SAMD4B: variants seen among roughly 807,000 people sequenced by gnomAD.
The protein encoded by SAMD4B is protein Smaug homolog 2.
SAMD4B carries 5 observed loss-of-function variants against 74.5 expected under a neutral mutation model. The observed-to-expected ratio is 0.07, with a 90% CI of 0.04 to 0.14. The LOEUF (loss-of-function observed/expected upper bound fraction) is 0.14, where lower values mean the gene tolerates loss of function less well. Among genes scored for constraint, SAMD4B ranks in the 10% least tolerant of loss-of-function variants. The pLI is 1.00. For synonymous variants in SAMD4B, 373 were observed against 374.9 expected, an observed-to-expected ratio of 1.00 and a Z score of 0.06; for missense variants, 608 against 921.8, an observed-to-expected ratio of 0.66 and a Z score of 4.41.
intron 3 of SAMD4B, among the ~76,000 whole-genome samples, chr19:39,363,370 C>G (rs935032033): frequency 2.0e-5 from 3 of 152,142 alleles, no homozygotes; most frequent in Admixed American, 2.0e-4. Flanking sequence ...GCTTGTTGTA[C>G]TTCTAGCTCC....
chr19:39,366,535 C>G (rs1451817423), intron 3 of SAMD4B, among the ~76,000 whole-genome samples: 1 of 152,110 alleles, frequency 6.6e-6, no homozygotes, highest in South Asian at 2.1e-4. Context: ...AGCCCCAGGC[C>G]AAGAAAATGC....
chr19:39,388,908 A>G (rs539429150), downstream of SAMD4B: 5 of 1,610,410 alleles, frequency 3.1e-6, no homozygotes, highest in African/African-American at 1.3e-5. Flanking sequence ...AACAGGCACA[A>G]ATAGGCTGTC....
chr19:39,369,859 C>G lies in SAMD4B; in HGVS notation c.401C>G (p.Ala134Gly). ...CTTTCCTATGCCCTCATCCACCCAG[C>G]CACCACACTGGAGGACCGCAACGCA... is the stretch of plus-strand genomic sequence containing the variant. ...QLLSYALIHP[A>G]TTLEDRNALA... The change falls in exon 4 of 14, where the codon GCC becomes GGC. Residue 134 changes from alanine to glycine, a missense_variant. Physicochemically the swap from Ala to Gly is moderately conservative, Grantham distance 60. Coordinates refer to ENST00000610417, the MANE Select transcript of SAMD4B (RefSeq NM_001384574.2). The G allele has an allele frequency of 6.2e-7, 1 of 1,614,286 alleles. No individual in the cohort carries two copies. The highest frequency in any genetic ancestry group is 8.5e-7 in the Non-Finnish European group (1 of 1,180,056).
Position 39,376,535 on chromosome 19 carries a change from C to A in SAMD4B, c.1006C>A (p.Leu336Met). The A allele has an allele frequency of 6.2e-7, 1 of 1,613,330 alleles. No individual in the cohort carries two copies. The highest frequency in any genetic ancestry group is 8.5e-7 in the Non-Finnish European group (1 of 1,179,792). Residue 336 changes from leucine (L) to methionine (M), a missense_variant, in exon 6 of 14, where the codon CTG (leucine) becomes ATG (methionine). Physicochemically the swap from Leu to Met is conservative, Grantham distance 15. Around this residue, in one of 9 missense-constraint regions of SAMD4B, gnomAD observed 39 missense variants for 125.3 expected, o/e 0.31. Transcript: ENST00000610417. ...EEMMTLTEQH[L>M]ESQNVTKGAR... ...GATGATGACACTGACTGAGCAGCACCTGGAGTCTCAGGTGAAGCCAAGGGG... is the reference window on the plus strand; with the variant it reads ...GATGATGACACTGACTGAGCAGCACATGGAGTCTCAGGTGAAGCCAAGGGG...
In SAMD4B at chr19:39,383,090, C is replaced by A. The variant is rs1160479287; in HGVS notation, c.1973-118C>A. ...TCCCTGTCCACCTCCTCCCGTTCTT[C>A]CCTCTCCCCCTCCATCTCTCTTGCT... On this transcript the variant is annotated intron_variant, in intron 12 of 13. Transcript: ENST00000610417. This position sits in a 1 kb window ranked among gnomAD's most constrained non-coding sequence, Gnocchi z 4.1. 2 of 815,134 alleles carry A rather than the reference C, an allele frequency of 2.5e-6. No homozygotes were observed. Among genetic ancestry groups the A allele is most frequent in the East Asian group, 5.0e-5 (2 of 40,250 alleles). The allele number at this position is 815,134 out of a possible 1,614,324, so 50.5% of individuals were successfully genotyped here.
At chr19:39,388,232 C>G (rs1460524324), downstream of SAMD4B, 8 of 1,058,944 alleles carry the variant, frequency 7.6e-6, no homozygotes, top group Non-Finnish European at 8.6e-6. Flanking sequence ...TTTACCAATG[C>G]ATATGACAAA....
chr19:39,375,534 C>T lies in SAMD4B; in HGVS notation c.668-116C>T, dbSNP rs954196733. The stretch of plus-strand genomic sequence containing the variant: ...GCAGTTACCCTTGGACCCCAGGTCC[C>T]TTCCTCTTGGCAGGTTATGGGGCCA... On this transcript the variant is annotated intron_variant, in intron 4 of 13. Coordinates refer to ENST00000610417, the MANE Select transcript of SAMD4B (RefSeq NM_001384574.2). The surrounding 1 kb of genome is among the most constrained non-coding windows in gnomAD (Gnocchi z 4.1). 8.0e-6 allele frequency: 11 copies of T among 1,372,158 alleles called. No individual in the cohort carries two copies. The African/African-American group carries it at 1.3e-4, about 16-fold the overall frequency. The allele number at this position is 1,372,158 out of a possible 1,614,324, so 85.0% of individuals were successfully genotyped here. A position where few individuals can be genotyped will look rare whatever the true frequency, so the allele number is the denominator to read the frequency against.
intron 3 of SAMD4B, among the ~76,000 whole-genome samples, chr19:39,365,385 C>T (rs1295474689): frequency 6.6e-6 from 1 of 151,100 alleles, no homozygotes; most frequent in Non-Finnish European, 1.5e-5. Flanking sequence ...AAAAGCCCGT[C>T]TCTACTCAAA....
downstream of SAMD4B, chr19:39,385,829 A>G (rs998024244): frequency 1.9e-6 from 2 of 1,072,930 alleles, no homozygotes; most frequent in African/African-American, 3.2e-5. Flanking sequence ...GCTGAATGAC[A>G]TCATAGGGGC....
intron 3 of SAMD4B, among the ~76,000 whole-genome samples, chr19:39,358,225 C>T (rs1451791593): frequency 2.0e-5 from 3 of 152,180 alleles, no homozygotes; most frequent in Admixed American, 1.3e-4. Flanking sequence ...GAGCCAAAAT[C>T]GTGCCATTGC....
At chr19:39,349,055 C>T (rs1400631309) in intron 1 of SAMD4B, among the ~76,000 whole-genome samples, 1 of 152,170 alleles carries the variant, frequency 6.6e-6, no homozygotes, top group East Asian at 1.9e-4. Context: ...CCCAAAATTA[C>T]ACAGGTAGTA....
chr19:39,359,197 C>G (rs1220490206), intron 3 of SAMD4B, among the ~76,000 whole-genome samples: 1 of 152,214 alleles, frequency 6.6e-6, no homozygotes, highest in Middle Eastern at 3.2e-3. Context: ...AGGCCAGTGT[C>G]TTACACAGCT....
At chr19:39,349,367 AGGAGTG>A (rs2075888472) in intron 1 of SAMD4B, among the ~76,000 whole-genome samples, 2 of 152,152 alleles carry the variant, frequency 1.3e-5, no homozygotes, top group Non-Finnish European at 2.9e-5. Flanking sequence ...CAAGACATTT[AGGAGTG>A]GGAGGAAGAA....
At chr19:39,380,415 G>T (rs1176348274) in intron 10 of SAMD4B, among the ~76,000 whole-genome samples, 172 bp from the exon 11 acceptor site, 1 of 152,200 alleles carries the variant, frequency 6.6e-6, no homozygotes, top group Non-Finnish European at 1.5e-5. Flanking sequence ...AGAAACCCTT[G>T]TACATGTCCC....
chr19:39,343,556 C>T lies in SAMD4B; in HGVS notation c.-267+980C>T, dbSNP rs74564249. Among the ~76,000 whole-genome samples, 171 of 151,192 alleles carry T rather than the reference C, an allele frequency of 1.1e-3. 4 individuals carry two copies. The East Asian group carries it at 0.029, about 26-fold the overall frequency. ...CTTTCCACAGATCCCAAAAGTCTCC[C>T]CCAGAGGCCTCCTGTCTCCCCCTGG... On this transcript the variant is annotated intron_variant, in intron 1 of 13. Transcript: ENST00000610417.
At chr19:39,370,500 G>A (rs1600564094) in intron 4 of SAMD4B, among the ~76,000 whole-genome samples, 1 of 152,124 alleles carries the variant, frequency 6.6e-6, no homozygotes, top group African/African-American at 2.4e-5. Flanking sequence ...TTAATGTTGA[G>A]CATGCCCTTT....
chr19:39,361,931 A>G (rs1600542095), intron 3 of SAMD4B, among the ~76,000 whole-genome samples: 1 of 150,082 alleles, frequency 6.7e-6, no homozygotes, highest in South Asian at 2.1e-4. Flanking sequence ...CGTCTCAAAG[A>G]AAAAAAAAAG....
chr19:39,343,994 C>T (rs939571185), intron 1 of SAMD4B, among the ~76,000 whole-genome samples: 2 of 35,548 alleles, frequency 5.6e-5, no homozygotes, highest in African/African-American at 1.3e-4. Flanking sequence ...CCCCCCCCCC[C>T]ACACACACAC....
downstream of SAMD4B, among the ~76,000 whole-genome samples, chr19:39,387,909 A>C (rs2078288241): frequency 6.6e-6 from 1 of 152,158 alleles, no homozygotes; most frequent in African/African-American, 2.4e-5. Flanking sequence ...AGGCCGAGGC[A>C]GGCAGATCAC....
Sources: gnomAD v4.1 joint callset for allele counts (sites outside exome capture counted in the v4.1 genomes callset) on GRCh38, gnomAD v4.1.1 for gene constraint, gnomAD v4.1.1 regional missense constraint, Gnocchi (gnomAD v3.1) non-coding constraint, MANE v1.5 for transcripts, NCBI Gene and HGNC (gene_info 2026-07-23, HGNC 2026-07-21) for gene names.